The following GALNTL6 variants were observed in gnomAD, a reference collection of about 807,000 sequenced individuals.
GALNTL6 encodes the protein polypeptide N-acetylgalactosaminyltransferase-like 6.
In GALNTL6, 46 loss-of-function variants were observed where a neutral mutation model predicts 73.7. The observed-to-expected ratio is 0.62, with a 90% CI of 0.49 to 0.80. The LOEUF (loss-of-function observed/expected upper bound fraction) is 0.80. GALNTL6 is among the 30% of genes least tolerant of loss of function. GALNTL6 has a pLI of 0.00. For synonymous variants in GALNTL6, 259 were observed against 263.7 expected (o/e 0.98, Z 0.17); for missense variants, 604 against 755.0 (o/e 0.80, Z 2.34).
chr4:173,038,271 G>A (rs1049129910), intron 12 of GALNTL6, among the ~76,000 whole-genome samples: 2 of 152,204 alleles, frequency 1.3e-5, no homozygotes, highest in East Asian at 1.9e-4. Flanking sequence ...GAGATGCTGG[G>A]GAAGAAGAGA....
chr4:172,842,000 A>G (rs929997482), intron 7 of GALNTL6, among the ~76,000 whole-genome samples: 2 of 152,132 alleles, frequency 1.3e-5, no homozygotes, highest in African/African-American at 2.4e-5. Context: ...ACTTTTACTT[A>G]TGGTCATGAC....
chr4:172,623,362 T>A (rs1228732150), intron 5 of GALNTL6, among the ~76,000 whole-genome samples: 1 of 151,998 alleles, frequency 6.6e-6, no homozygotes, highest in African/African-American at 2.4e-5. Flanking sequence ...ATCATATGTA[T>A]ATAATTTTAA....
chr4:172,541,174 C>T (rs1189897838), intron 5 of GALNTL6, among the ~76,000 whole-genome samples: 2 of 152,060 alleles, frequency 1.3e-5, no homozygotes, highest in Admixed American at 6.6e-5. Context: ...TTTTGAAAAC[C>T]CTGTTTAATG....
At chr4:171,911,452 C>T (rs918324689) in intron 2 of GALNTL6, among the ~76,000 whole-genome samples, 1 of 152,172 alleles carries the variant, frequency 6.6e-6, no homozygotes, top group Non-Finnish European at 1.5e-5. Context: ...GCGCCCAGCC[C>T]CTCCGCTAAG....
chr4:172,662,295 C>G (rs555537769), intron 5 of GALNTL6, among the ~76,000 whole-genome samples: 30 of 152,124 alleles, frequency 2.0e-4, no homozygotes, highest in Non-Finnish European at 3.7e-4. Context: ...TTGCTAATTG[C>G]GAAATATTTC....
intron 2 of GALNTL6, among the ~76,000 whole-genome samples, chr4:171,884,973 C>G (rs2110917214): frequency 6.6e-6 from 1 of 151,752 alleles, no homozygotes; most frequent in Non-Finnish European, 1.5e-5. Flanking sequence ...AGGAGAATTG[C>G]TTGAACCCAG....
chr4:172,728,272 A>C (rs139888887), intron 5 of GALNTL6, among the ~76,000 whole-genome samples: 38 of 151,416 alleles, frequency 2.5e-4, no homozygotes, highest in African/African-American at 7.5e-4. Context: ...CTCTTATATT[A>C]CTCCATTTTA....
At chr4:172,545,958 AT>A (rs1735728730) in intron 5 of GALNTL6, among the ~76,000 whole-genome samples, 4 of 152,236 alleles carry the variant, frequency 2.6e-5, no homozygotes, top group South Asian at 4.1e-4. Flanking sequence ...CATGAAAAAA[AT>A]AATAGTGCTT....
chr4:172,220,480 A>G (rs1736637564), intron 2 of GALNTL6, among the ~76,000 whole-genome samples: 1 of 151,816 alleles, frequency 6.6e-6, no homozygotes, highest in South Asian at 2.1e-4. Context: ...GGAATATGGT[A>G]TAAATATCCC....
intron 5 of GALNTL6, among the ~76,000 whole-genome samples, chr4:172,770,752 A>T (rs891495110): frequency 1.3e-5 from 2 of 152,214 alleles, no homozygotes; most frequent in Non-Finnish European, 2.9e-5. Context: ...CCAGGAATAA[A>T]GTCCCTGGCA....
intron 5 of GALNTL6, among the ~76,000 whole-genome samples, chr4:172,797,167 A>C (rs1740317849): frequency 6.6e-6 from 1 of 152,210 alleles, no homozygotes; most frequent in Non-Finnish European, 1.5e-5. Flanking sequence ...GCAGCAATGA[A>C]AGTACTTTCA....
chr4:171,915,942 A>C (rs1737611702), intron 2 of GALNTL6, among the ~76,000 whole-genome samples: 1 of 152,124 alleles, frequency 6.6e-6, no homozygotes, highest in Non-Finnish European at 1.5e-5. Context: ...TAAAATAGTG[A>C]ATTGTAGGGA....
intron 5 of GALNTL6, among the ~76,000 whole-genome samples, chr4:172,774,792 T>G (rs1221991968): frequency 6.6e-6 from 1 of 152,008 alleles, no homozygotes; most frequent in Non-Finnish European, 1.5e-5. Context: ...AAACCCCGTC[T>G]CTACTAAAAT....
chr4:172,472,735 G>A (rs1733096363), intron 5 of GALNTL6, among the ~76,000 whole-genome samples: 2 of 152,148 alleles, frequency 1.3e-5, no homozygotes, highest in Non-Finnish European at 2.9e-5. Flanking sequence ...TTAAAATTAT[G>A]CTGACACAAA....
At chr4:172,400,421 C>T (rs1214161142) in intron 5 of GALNTL6, among the ~76,000 whole-genome samples, 1 of 152,040 alleles carries the variant, frequency 6.6e-6, no homozygotes, top group Non-Finnish European at 1.5e-5. Context: ...TAATGAATGC[C>T]AAGCATTATA....
chr4:171,999,858 A>G (rs1384165569), intron 2 of GALNTL6, among the ~76,000 whole-genome samples: 2 of 152,174 alleles, frequency 1.3e-5, no homozygotes, highest in African/African-American at 2.4e-5. Context: ...TTAATTTTGC[A>G]TTTGAATGTC....
intron 2 of GALNTL6, among the ~76,000 whole-genome samples, chr4:171,891,752 G>A (rs1312972005): frequency 6.6e-6 from 1 of 152,162 alleles, no homozygotes; most frequent in East Asian, 1.9e-4. Flanking sequence ...AAGTTGCCAG[G>A]TAAAATACAG....
chr4:172,851,356 T>G lies in GALNTL6; in HGVS notation c.924-31434T>G, dbSNP rs192300848. ...AAATTACAAGGGTTTAGAAGCTTTG[T>G]GCCAAAAATCAGGGGCAGATTATAT... On this transcript the variant is annotated intron_variant, in intron 7 of 12. Transcript: ENST00000506823. 2.0e-4 allele frequency among the ~76,000 whole-genome samples: 31 copies of G among 152,104 alleles called. No homozygotes were observed. In the East Asian group the frequency reaches 2.3e-3, roughly 11 times the overall value.
intron 4 of GALNTL6, among the ~76,000 whole-genome samples, chr4:172,328,871 A>G (rs1158034082): frequency 1.3e-5 from 2 of 152,186 alleles, no homozygotes; most frequent in Non-Finnish European, 2.9e-5. Flanking sequence ...CATTTCAGCC[A>G]ACTCATCCTG....
Sources: gnomAD v4.1 joint callset for allele counts (sites outside exome capture counted in the v4.1 genomes callset) on GRCh38, gnomAD v4.1.1 for gene constraint, MANE v1.5 for transcripts, NCBI Gene and HGNC (gene_info 2026-07-23, HGNC 2026-07-21) for gene names.